Variants in COL6A6 observed in about 807,000 individuals in gnomAD.
The protein encoded by COL6A6 is collagen type VI alpha 6 chain.
A neutral mutation model predicts 208.6 loss-of-function variants in COL6A6; 183 were observed. That is an observed-to-expected ratio of 0.88 (90% CI 0.78 to 0.99). The LOEUF is 0.99. COL6A6 is among the 50% of genes least tolerant of loss of function. The probability of loss-of-function intolerance (pLI) is 0.00; values close to 1 mark genes in which losing one functional copy is unlikely to be tolerated. For missense variants in COL6A6, 2,816 were observed against 2,815.2 expected, an observed-to-expected ratio of 1.00 and a Z score of -0.01; for synonymous variants, 973 against 1,011.8, an observed-to-expected ratio of 0.96 and a Z score of 0.73.
chr3:130,579,985 A>G (rs935002291), intron 8 of COL6A6, among the ~76,000 whole-genome samples: 1 of 152,236 alleles, frequency 6.6e-6, no homozygotes, highest in African/African-American at 2.4e-5. Flanking sequence ...GTTTACCTAA[A>G]TAAGTTTGTA....
chr3:130,621,970 C>G (rs1015497744), intron 24 of COL6A6, 87 bp downstream of exon 24: 1 of 1,143,800 alleles, frequency 8.7e-7, no homozygotes, highest in Admixed American at 1.9e-5. Flanking sequence ...GCCCTTTCAA[C>G]ACAAACAAGA....
chr3:130,642,762 T>C, intron 29 of COL6A6, 70 bp from the exon 30 acceptor site: 1 of 1,375,180 alleles, frequency 7.3e-7, no homozygotes. Flanking sequence ...CTGAGGGCAA[T>C]GTTGGTGCAC....
intron 1 of COL6A6, among the ~76,000 whole-genome samples, chr3:130,529,225 A>T (rs149351093): frequency 1.3e-5 from 2 of 151,896 alleles, no homozygotes; most frequent in Admixed American, 1.3e-4. Context: ...CAGTTGACCA[A>T]TAGCTTTCAA....
At chr3:130,637,504 A>C (rs1183360176) in intron 28 of COL6A6, among the ~76,000 whole-genome samples, 1 of 152,054 alleles carries the variant, frequency 6.6e-6, no homozygotes, top group African/African-American at 2.4e-5. Context: ...CACTGTTCTT[A>C]ACTTGCTCTT....
intron 32 of COL6A6, among the ~76,000 whole-genome samples, 165 bp from the exon 33 acceptor site, chr3:130,648,904 T>A (rs2065537665): frequency 2.0e-5 from 3 of 152,150 alleles, no homozygotes; most frequent in Admixed American, 1.3e-4. Context: ...TGGAATAACA[T>A]CTATAATTAT....
At chr3:130,527,349 A>G (rs1052507593) in intron 1 of COL6A6, among the ~76,000 whole-genome samples, 1 of 152,244 alleles carries the variant, frequency 6.6e-6, no homozygotes, top group East Asian at 1.9e-4. Flanking sequence ...AGGTCAGCCT[A>G]AGCCATCTGA....
Position 130,599,640 on chromosome 3 carries a change from A to G in COL6A6, c.4600-117A>G, listed in dbSNP as rs75152302. The G allele has an allele frequency of 3.0e-3, 2,826 of 930,962 alleles. 42 individuals carry two copies. The African/African-American group carries it at 0.035, about 11-fold the overall frequency. The allele number at this position is 930,962 out of a possible 1,614,324, so 57.7% of individuals were successfully genotyped here. Reference sequence around the variant, plus strand: ...TCATGCCATTTTCCAAAGGAAAGGTAACTCTCTCATTGGTGTGTGAACCTA... The same window carrying G: ...TCATGCCATTTTCCAAAGGAAAGGTGACTCTCTCATTGGTGTGTGAACCTA... On this transcript the variant is annotated intron_variant, in intron 19 of 36. Coordinates refer to ENST00000358511, the MANE Select transcript of COL6A6 (RefSeq NM_001102608.3).
At position 130,571,187 on chromosome 3, in the gene COL6A6, A is replaced by G. The variant is rs773996219; in HGVS notation, c.2771A>G (p.His924Arg). The change falls in exon 7 of 37, where the codon CAT (histidine) becomes CGT (arginine). Residue 924 changes from histidine to arginine, a missense_variant. Physicochemically the swap from His to Arg is conservative, Grantham distance 29 (BLOSUM62 0). Coordinates refer to ENST00000358511, the MANE Select transcript of COL6A6 (RefSeq NM_001102608.3). ...ATTGTGATCACCGATGGGGAATCCCATGATGCTGATAAACTCAATGCCACG... is the reference window on the plus strand; with the variant it reads ...ATTGTGATCACCGATGGGGAATCCCGTGATGCTGATAAACTCAATGCCACG... Reference protein sequence around the residue: ...VLIVITDGESHDADKLNATAK... With the variant: ...VLIVITDGESRDADKLNATAK... 20 of 1,613,566 alleles carry G rather than the reference A, an allele frequency of 1.2e-5. No homozygotes were observed. The highest frequency in any genetic ancestry group is 1.5e-5 in the Non-Finnish European group (18 of 1,179,644).
rs773479906 is a variant in COL6A6 at position 130,581,862 on chromosome 3, T to TCTATGG, written c.3850_3855dup (p.Leu1284_Trp1285dup). ...TTCTCAATGCAAACCTCTTGGATTCTCTATGGGATACATTTCAGAATAAAT... is the reference window on the plus strand; with the variant it reads ...TTCTCAATGCAAACCTCTTGGATTCTCTATGGCTATGGGATACATTTCAGAATAAAT... On this transcript the variant is annotated inframe_insertion, in exon 9 of 37. Transcript: ENST00000358511. 8 of 1,611,740 alleles carry TCTATGG rather than the reference T, an allele frequency of 5.0e-6. No homozygotes were observed. The Admixed American group carries it at 1.3e-4, about 27-fold the overall frequency.
chr3:130,602,966 T>G (rs1252099586), intron 20 of COL6A6, among the ~76,000 whole-genome samples: 1 of 152,204 alleles, frequency 6.6e-6, no homozygotes, highest in East Asian at 1.9e-4. Flanking sequence ...AACTCTAAAA[T>G]GAATGTTACA....
chr3:130,611,615 C>G (rs1196716859), intron 23 of COL6A6, among the ~76,000 whole-genome samples: 1 of 152,158 alleles, frequency 6.6e-6, no homozygotes, highest in African/African-American at 2.4e-5. Flanking sequence ...GAATGAGACA[C>G]AGTTGGAAAT....
chr3:130,569,600 T>C (rs1360689344), intron 6 of COL6A6, among the ~76,000 whole-genome samples: 1 of 152,166 alleles, frequency 6.6e-6, no homozygotes, highest in Non-Finnish European at 1.5e-5. Flanking sequence ...GTGCTCATGA[T>C]CTGTATTTTG....
At chr3:130,535,501 TCTC>T (rs1195857961) in intron 1 of COL6A6, among the ~76,000 whole-genome samples, 1 of 152,176 alleles carries the variant, frequency 6.6e-6, no homozygotes, top group African/African-American at 2.4e-5. Context: ...GGATGCCACA[TCTC>T]CTCTTTGTGA....
chr3:130,571,842 A>ATTTTTTT (rs67080729), intron 7 of COL6A6, among the ~76,000 whole-genome samples: 3 of 110,854 alleles, frequency 2.7e-5, no homozygotes, highest in African/African-American at 1.2e-4. Flanking sequence ...GGCATGGCTA[A>ATTTTTTT]TTTTTTTTTT....
At chr3:130,520,938 A>T (rs1711034322) in intron 1 of COL6A6, among the ~76,000 whole-genome samples, 1 of 152,240 alleles carries the variant, frequency 6.6e-6, no homozygotes, top group Non-Finnish European at 1.5e-5. Flanking sequence ...TTTTGGAATG[A>T]TGAGAAAATT....
rs146903391 is a variant in COL6A6 at position 130,546,732 on chromosome 3, G to A, written c.-31-13602G>A. Among the ~76,000 whole-genome samples the A allele has an allele frequency of 1.4e-3, 207 of 152,262 alleles. 1 individual carries two copies. Among genetic ancestry groups the A allele is most frequent in the African/African-American group, 4.6e-3 (189 of 41,538 alleles). On this transcript the variant is annotated intron_variant, in intron 1 of 36. Transcript: ENST00000358511. ...CTAGACACAGAGCACCGACTGGTGC[G>A]TTTACAAACCTTGAGCTAGACACAG...
chr3:130,575,434 A>G (rs1006387241), intron 8 of COL6A6, among the ~76,000 whole-genome samples: 4 of 152,334 alleles, frequency 2.6e-5, no homozygotes, highest in Admixed American at 2.6e-4. Flanking sequence ...TATGAATGGG[A>G]GCTAGCTCTT....
rs1392021080 is a variant in COL6A6 at position 130,661,988 on chromosome 3, T to C, written c.6182T>C (p.Ile2061Thr). 5 of 1,614,020 alleles carry C rather than the reference T, an allele frequency of 3.1e-6. No individual in the cohort carries two copies. The East Asian group carries it at 8.9e-5, about 29-fold the overall frequency. ...SVKQLNGDAF[I>T]GHALQWTLDN... Reference sequence around the variant, plus strand: ...AAACAACTAAATGGAGATGCTTTTATTGGTCATGCCTTACAGTGGACTCTG... The same window carrying C: ...AAACAACTAAATGGAGATGCTTTTACTGGTCATGCCTTACAGTGGACTCTG... Residue 2061 changes from isoleucine to threonine, a missense_variant, in exon 35 of 37, where the codon ATT becomes ACT. Coordinates refer to ENST00000358511, the MANE Select transcript of COL6A6 (RefSeq NM_001102608.3).
chr3:130,602,053 G>A (rs981796198), intron 20 of COL6A6, among the ~76,000 whole-genome samples: 3 of 152,172 alleles, frequency 2.0e-5, no homozygotes, highest in Non-Finnish European at 4.4e-5. Context: ...GAGGCAAAAT[G>A]AGAAACTGGA....
Sources: allele counts gnomAD v4.1 joint callset (sites outside exome capture counted in the v4.1 genomes callset), GRCh38; gene constraint gnomAD v4.1.1; transcripts MANE v1.5; gene names NCBI Gene and HGNC (gene_info 2026-07-23, HGNC 2026-07-21).